The following ERC2 variants were observed in gnomAD, a reference collection of about 807,000 sequenced individuals.
The protein encoded by ERC2 is ERC protein 2.
A neutral mutation model predicts 114.8 loss-of-function variants in ERC2; 42 were observed. The ratio of observed to expected loss-of-function variants is 0.37; its 90% confidence interval spans 0.29 to 0.47. ERC2 has a LOEUF of 0.47. Ranked by LOEUF, ERC2 falls within the 20% of genes least tolerant of loss-of-function variation. ERC2 has a pLI of 0.99. For synonymous variants in ERC2, 454 were observed against 425.5 expected, an observed-to-expected ratio of 1.07 and a Z score of -0.82; for missense variants, 939 against 1,150.7, an observed-to-expected ratio of 0.82 and a Z score of 2.66.
At chr3:56,099,772 G>C (rs553293457) in intron 6 of ERC2, among the ~76,000 whole-genome samples, 1 of 152,260 alleles carries the variant, frequency 6.6e-6, no homozygotes, top group South Asian at 2.1e-4. Flanking sequence ...ATATGTGAAG[G>C]TTTCTTTTCC....
intron 14 of ERC2, among the ~76,000 whole-genome samples, chr3:55,740,887 A>G (rs1036527491): frequency 3.3e-5 from 5 of 152,190 alleles, no homozygotes; most frequent in Non-Finnish European, 7.4e-5. Flanking sequence ...TTGAGCACCA[A>G]CAGGACATTC....
chr3:55,933,808 C>T (rs2066273623), intron 13 of ERC2, among the ~76,000 whole-genome samples: 1 of 152,206 alleles, frequency 6.6e-6, no homozygotes, highest in South Asian at 2.1e-4. Context: ...CGTGGGTATG[C>T]AAGGCCATAT....
At chr3:55,722,642 C>T (rs1226927647) in intron 15 of ERC2, among the ~76,000 whole-genome samples, 4 of 152,082 alleles carry the variant, frequency 2.6e-5, no homozygotes, top group Admixed American at 1.3e-4. Flanking sequence ...GTTGTGTCTC[C>T]GGTGTCCAGA....
intron 7 of ERC2, among the ~76,000 whole-genome samples, chr3:56,064,272 AC>A (rs1216939256): frequency 6.6e-6 from 1 of 152,144 alleles, no homozygotes; most frequent in Non-Finnish European, 1.5e-5. Flanking sequence ...GCAGCAAAGG[AC>A]CTTTGCCTCT....
intron 3 of ERC2, among the ~76,000 whole-genome samples, chr3:56,189,460 T>C (rs892404130): frequency 1.3e-5 from 2 of 152,226 alleles, no homozygotes; most frequent in African/African-American, 4.8e-5. Flanking sequence ...GTTGAGTCCA[T>C]CCTTCTGGGT....
At chr3:56,300,280 CAAA>C (rs200816892) in intron 2 of ERC2, among the ~76,000 whole-genome samples, 8 of 93,194 alleles carry the variant, frequency 8.6e-5, no homozygotes, top group South Asian at 6.5e-4. Context: ...TCATGAAATA[CAAA>C]AAAAAAAAAA....
intron 14 of ERC2, among the ~76,000 whole-genome samples, chr3:55,757,474 A>G (rs1191904425): frequency 6.6e-6 from 1 of 152,142 alleles, no homozygotes; most frequent in Non-Finnish European, 1.5e-5. Flanking sequence ...TACTAGGTGG[A>G]CCCCTGTGAA....
chr3:56,311,434 G>T (rs1186572927), intron 2 of ERC2, among the ~76,000 whole-genome samples: 1 of 151,036 alleles, frequency 6.6e-6, no homozygotes, highest in Non-Finnish European at 1.5e-5. Context: ...AAGTAGCTGG[G>T]ACTACAGGTG....
At chr3:55,954,816 C>T (rs1305007776) in intron 12 of ERC2, among the ~76,000 whole-genome samples, 1 of 151,996 alleles carries the variant, frequency 6.6e-6, no homozygotes. Context: ...TCTAGTAAAA[C>T]AGCCTACAAA....
intron 15 of ERC2, among the ~76,000 whole-genome samples, chr3:55,711,564 C>T (rs1280832299): frequency 6.6e-6 from 1 of 152,180 alleles, no homozygotes; most frequent in East Asian, 1.9e-4. Flanking sequence ...TACCAGTCCT[C>T]TATTGATGTG....
chr3:56,134,749 T>C (rs1273453823), intron 6 of ERC2, among the ~76,000 whole-genome samples: 1 of 152,162 alleles, frequency 6.6e-6, no homozygotes, highest in Admixed American at 6.5e-5. Context: ...ACAAGTATTA[T>C]AGAATCCTTC....
chr3:56,431,256 G>A (rs991687821), intron 2 of ERC2, among the ~76,000 whole-genome samples: 2 of 152,076 alleles, frequency 1.3e-5, no homozygotes, highest in Non-Finnish European at 2.9e-5. Flanking sequence ...TCCATTTTTG[G>A]AAAAACATAA....
intron 3 of ERC2, among the ~76,000 whole-genome samples, chr3:56,258,949 T>C (rs1206548167): frequency 6.6e-6 from 1 of 151,242 alleles, no homozygotes; most frequent in Non-Finnish European, 1.5e-5. Flanking sequence ...ACCTTAAAAC[T>C]ATGTTTTTCT....
At chr3:55,999,799 C>T (rs1426463058) in intron 10 of ERC2, among the ~76,000 whole-genome samples, 2 of 151,192 alleles carry the variant, frequency 1.3e-5, no homozygotes, top group South Asian at 4.2e-4. Context: ...ATAAATAGTT[C>T]TAAAATTATT....
chr3:55,677,358 G>A (rs2061860754), intron 17 of ERC2, among the ~76,000 whole-genome samples: 1 of 152,092 alleles, frequency 6.6e-6, no homozygotes, highest in East Asian at 1.9e-4. Context: ...TGGCTTGGGT[G>A]TAGCTATGGC....
intron 14 of ERC2, among the ~76,000 whole-genome samples, chr3:55,822,258 A>C (rs905800989): frequency 3.3e-5 from 5 of 152,220 alleles, no homozygotes; most frequent in Admixed American, 1.3e-4. Context: ...TGACTTTGGC[A>C]TGGTGATAGT....
rs191434651 is a variant in ERC2, at chr3:55,632,814, T to C, written c.*39+50980A>G. On this transcript the variant is annotated intron_variant, in intron 17 of 17. Coordinates refer to ENST00000288221, the MANE Select transcript of ERC2 (RefSeq NM_015576.3). ...TTCTGTGAAAGAAAGGAAGAGAAGA[T>C]AGAAGGAGTGAAGAGAAGAAAGAAG... Among the ~76,000 whole-genome samples, 7 of 152,210 alleles carry C rather than the reference T, an allele frequency of 4.6e-5. No homozygotes were observed. The East Asian group carries it at 1.4e-3, about 29-fold the overall frequency.
chr3:56,266,218 C>A (rs1197717326), intron 3 of ERC2, among the ~76,000 whole-genome samples: 4 of 148,596 alleles, frequency 2.7e-5, no homozygotes, highest in African/African-American at 9.9e-5. Flanking sequence ...GCAAGCTCCG[C>A]CTCCCAAGTT....
chr3:56,415,313 TGAAG>T (rs1336907904), intron 2 of ERC2, among the ~76,000 whole-genome samples: 2 of 152,162 alleles, frequency 1.3e-5, no homozygotes, highest in Non-Finnish European at 2.9e-5. Context: ...TATTAAGGAA[TGAAG>T]GGAGAAAGTA....
Sources: gnomAD v4.1 joint callset for allele counts (sites outside exome capture counted in the v4.1 genomes callset) on GRCh38, gnomAD v4.1.1 for gene constraint, MANE v1.5 for transcripts, NCBI Gene and HGNC (gene_info 2026-07-23, HGNC 2026-07-21) for gene names.